BIRC6: variants seen among roughly 807,000 people sequenced by gnomAD.
The protein encoded by BIRC6 is dual E2 ubiquitin-conjugating enzyme/E3 ubiquitin-protein ligase BIRC6.
A neutral mutation model predicts 503.3 loss-of-function variants in BIRC6; 98 were observed. That is an observed-to-expected ratio of 0.19 (90% CI 0.17 to 0.23). The LOEUF (loss-of-function observed/expected upper bound fraction) is 0.23. BIRC6 is among the 10% of genes least tolerant of loss of function. The pLI is 1.00. For synonymous variants in BIRC6, 2,240 were observed against 2,078.7 expected (o/e 1.08, Z -2.11); for missense variants, 5,360 against 5,806.0 (o/e 0.92, Z 2.50).
chr2:32,439,758 G>C, intron 16 of BIRC6, 72 bp downstream of exon 16: 1 of 1,359,688 alleles, frequency 7.4e-7, no homozygotes, highest in East Asian at 2.4e-5. Context: ...CACACTATTA[G>C]AAGTAGTATG....
chr2:32,421,433 T>G (rs944980634), intron 10 of BIRC6, among the ~76,000 whole-genome samples: 1 of 152,166 alleles, frequency 6.6e-6, no homozygotes, highest in African/African-American at 2.4e-5. Flanking sequence ...AGAAGCTTAT[T>G]GGTTTGAGAT....
chr2:32,467,751 T>A lies in BIRC6; in HGVS notation c.5571+12T>A. ...GCAGATTCATGAAGGTAAAGAACTT[T>A]AAGAAAGTAAATTGATACGCTTTCT... On this transcript the variant is annotated intron_variant, in intron 27 of 73. Coordinates refer to ENST00000421745, the MANE Select transcript of BIRC6 (RefSeq NM_016252.4). The A allele has an allele frequency of 6.2e-7, 1 of 1,601,620 alleles. No individual in the cohort carries two copies. The highest frequency in any genetic ancestry group is 8.5e-7 in the Non-Finnish European group (1 of 1,172,556).
At chr2:32,417,989 A>G (rs1200656420) in intron 10 of BIRC6, among the ~76,000 whole-genome samples, 12 of 152,178 alleles carry the variant, frequency 7.9e-5, no homozygotes, top group Admixed American at 5.2e-4. Context: ...TATGTTGGCT[A>G]GTCTGGTCTC....
chr2:32,529,390 G>C (rs1189437474), intron 59 of BIRC6: 1 of 331,322 alleles, frequency 3.0e-6, no homozygotes, highest in Non-Finnish European at 5.5e-6. Flanking sequence ...TCCCACATCA[G>C]ATTTATGGAA....
Position 32,587,583 on chromosome 2 carries a change from G to A in BIRC6, c.13356-6332G>A, listed in dbSNP as rs544482870. On this transcript the variant is annotated intron_variant, in intron 66 of 73. Coordinates refer to ENST00000421745, the MANE Select transcript of BIRC6 (RefSeq NM_016252.4). ...TACTAATAATACAAAAATTAGCCAG[G>A]CGTGGTGGTGTGCACCTGTAATCCT... Among the ~76,000 whole-genome samples, 4 of 152,004 alleles carry A rather than the reference G, an allele frequency of 2.6e-5. 1 individual carries two copies. The highest frequency in any genetic ancestry group is 4.1e-4 in the South Asian group (2 of 4,824).
intron 3 of BIRC6, among the ~76,000 whole-genome samples, chr2:32,380,851 G>A (rs1421509369): frequency 3.3e-5 from 5 of 152,180 alleles, no homozygotes; most frequent in Non-Finnish European, 4.4e-5. Context: ...AGTGCCTGAT[G>A]GACCTGGATT....
At position 32,611,108 on chromosome 2, in the gene BIRC6, C is replaced by CTTTTT. The variant is rs1245765148; in HGVS notation, c.14260-333_14260-329dup. On this transcript the variant is annotated intron_variant, in intron 72 of 73. Coordinates refer to ENST00000421745, the MANE Select transcript of BIRC6 (RefSeq NM_016252.4). ...AATATTGTAGAGTTGATTAAATTGCCTTTTTTTTTTTGTTTGAGATGGAGG... is the reference window on the plus strand; with the variant it reads ...AATATTGTAGAGTTGATTAAATTGCCTTTTTTTTTTTTTTTTGTTTGAGATGGAGG... Among the ~76,000 whole-genome samples the CTTTTT allele has an allele frequency of 3.2e-4, 41 of 126,166 alleles. 1 individual carries two copies. The highest frequency in any genetic ancestry group is 3.0e-3 in the Admixed American group (36 of 11,982). The allele number at this position is 126,166 out of a possible 152,430, so 82.8% of individuals were successfully genotyped here. A position where few individuals can be genotyped will look rare whatever the true frequency, so the allele number is the denominator to read the frequency against.
intron 9 of BIRC6, among the ~76,000 whole-genome samples, chr2:32,408,423 CTT>C (rs1204238294): frequency 1.3e-5 from 2 of 152,110 alleles, no homozygotes; most frequent in Non-Finnish European, 2.9e-5. Context: ...TTTTTGAACT[CTT>C]TCAAAAAATA....
chr2:32,535,768 G>A (rs572541027), intron 61 of BIRC6, among the ~76,000 whole-genome samples: 6 of 152,132 alleles, frequency 3.9e-5, no homozygotes, highest in Non-Finnish European at 7.3e-5. Flanking sequence ...ATAAACATAC[G>A]TGTGCATGTG....
At chr2:32,461,062 C>CTTCTCTTCTCTTCTCTTCTG (rs2047885705) in intron 23 of BIRC6, among the ~76,000 whole-genome samples, 2 of 52,538 alleles carry the variant, frequency 3.8e-5, no homozygotes, top group African/African-American at 6.0e-5. Context: ...CTTCTCTTCT[C>CTTCTCTTCTCTTCTCTTCTG]TTCTGTTCTC....
At chr2:32,517,197 C>A (rs567039010) in intron 55 of BIRC6, among the ~76,000 whole-genome samples, 1 of 151,890 alleles carries the variant, frequency 6.6e-6, no homozygotes, top group East Asian at 1.9e-4. Context: ...CAAAATTAGC[C>A]GGGCATGGTG....
rs112065111 is a variant in BIRC6 at position 32,507,333 on chromosome 2, G to A, written c.9701-647G>A. Reference sequence around the variant, plus strand: ...TAGTTCCAACTACTCTGGAGGCTACGGCAGGAGAATCACTTGAACCTGGGA... The same window carrying A: ...TAGTTCCAACTACTCTGGAGGCTACAGCAGGAGAATCACTTGAACCTGGGA... On this transcript the variant is annotated intron_variant, in intron 50 of 73. Transcript: ENST00000421745. 6.4e-3 allele frequency among the ~76,000 whole-genome samples: 970 copies of A among 152,250 alleles called. 11 individuals are homozygous for A. Among genetic ancestry groups the A allele is most frequent in the Admixed American group, 0.014 (209 of 15,282 alleles).
intron 34 of BIRC6, 118 bp downstream of exon 34, chr2:32,476,462 C>G (rs1572494218): frequency 6.3e-6 from 7 of 1,116,846 alleles, no homozygotes; most frequent in African/African-American, 5.0e-5. Flanking sequence ...CCAACCTACT[C>G]TGGACTTTTT....
intron 65 of BIRC6, among the ~76,000 whole-genome samples, chr2:32,554,017 A>G (rs889648336): frequency 6.6e-6 from 1 of 152,126 alleles, no homozygotes; most frequent in Non-Finnish European, 1.5e-5. Context: ...GCCCTTGTAT[A>G]GTATGGAGTT....
intron 23 of BIRC6, among the ~76,000 whole-genome samples, chr2:32,455,357 G>A (rs1454203670): frequency 7.0e-6 from 1 of 143,520 alleles, no homozygotes; most frequent in East Asian, 2.0e-4. Flanking sequence ...TCCAGCCTGG[G>A]CAAACAGCAA....
intron 68 of BIRC6, among the ~76,000 whole-genome samples, chr2:32,597,244 A>C (rs1188041012): frequency 6.6e-6 from 1 of 152,216 alleles, no homozygotes; most frequent in Non-Finnish European, 1.5e-5. Context: ...CCAGTATTTA[A>C]ATATCATATG....
intron 39 of BIRC6, among the ~76,000 whole-genome samples, chr2:32,484,200 T>C (rs531456899): frequency 3.0e-4 from 46 of 152,234 alleles, no homozygotes; most frequent in Admixed American, 2.0e-4. Flanking sequence ...TTTTGGGGGC[T>C]GGGGAGCAGA....
Position 32,517,610 on chromosome 2 carries a change from T to C in BIRC6, c.11350-644T>C, listed in dbSNP as rs543700255. Among the ~76,000 whole-genome samples the C allele has an allele frequency of 4.3e-4, 66 of 152,270 alleles. No homozygotes were observed. The South Asian group carries it at 0.013, about 31-fold the overall frequency. On this transcript the variant is annotated intron_variant, in intron 55 of 73. Coordinates refer to ENST00000421745, the MANE Select transcript of BIRC6 (RefSeq NM_016252.4). ...GGTGAGGTGGGGCAGGATCTCTCTC[T>C]GTTGCCCAGGCCTGTAGTGCAGTTG...
rs1044474873 is a variant in BIRC6, at chr2:32,510,077, T to C, written c.10237+83T>C. 9.7e-6 allele frequency: 14 copies of C among 1,441,042 alleles called. No individual in the cohort carries two copies. The Admixed American group carries it at 2.9e-4, about 29-fold the overall frequency. The allele number at this position is 1,441,042 out of a possible 1,614,324, so 89.3% of individuals were successfully genotyped here. A position where few individuals can be genotyped will look rare whatever the true frequency, so the allele number is the denominator to read the frequency against. Reference sequence around the variant, plus strand: ...ACTGTGCGATCTTCGTGCTTAACTCTGTTTTGGGAATTATTTTTTCTTTTA... The same window carrying C: ...ACTGTGCGATCTTCGTGCTTAACTCCGTTTTGGGAATTATTTTTTCTTTTA... On this transcript the variant is annotated intron_variant, in intron 52 of 73. Transcript: ENST00000421745.
Sources: allele counts gnomAD v4.1 joint callset (sites outside exome capture counted in the v4.1 genomes callset), GRCh38; gene constraint gnomAD v4.1.1; transcripts MANE v1.5; gene names NCBI Gene and HGNC (gene_info 2026-07-23, HGNC 2026-07-21).